Variants in APOBR observed in about 807,000 individuals in gnomAD.
APOBR encodes apoB-48R.
A neutral mutation model predicts 88.5 loss-of-function variants in APOBR; 57 were observed. That is an observed-to-expected ratio of 0.64 (90% CI 0.52 to 0.80). The LOEUF (loss-of-function observed/expected upper bound fraction) is 0.80, where lower values mean the gene tolerates loss of function less well. Among genes scored for constraint, APOBR ranks in the 30% least tolerant of loss-of-function variants. The pLI, the probability that APOBR is intolerant of heterozygous loss-of-function variation, is 0.00. For synonymous variants in APOBR, 588 were observed against 572.7 expected (o/e 1.03, Z -0.38); for missense variants, 1,443 against 1,401.6 (o/e 1.03, Z -0.47).
At position 28,496,745 on chromosome 16, in the gene APOBR, G is replaced by A. The variant is rs1239003761; in HGVS notation, c.1704G>A (p.Gly568=). Residue 568 remains glycine (G), a synonymous_variant, in exon 2 of 4, where the codon GGG becomes GGA. Transcript: ENST00000564831. ...AAGGCCAAGGACCTGAGCTGATGGG[G>A]GGCGCCCAGACCCCAACTAAGCAAC... ...VTKGQGPELM[G]GAQTPTKQPE... is the part of the protein sequence containing the mutation. 1 of 1,590,468 alleles carries A rather than the reference G, an allele frequency of 6.3e-7. No individual in the cohort carries two copies. Among genetic ancestry groups the A allele is most frequent in the Non-Finnish European group, 8.6e-7 (1 of 1,168,928 alleles).
intron 3 of APOBR, 42 bp downstream of exon 3, chr16:28,498,391 G>C (rs541395425): frequency 1.3e-6 from 2 of 1,597,442 alleles, no homozygotes; most frequent in Admixed American, 3.5e-5. Flanking sequence ...AAGAGACCGC[G>C]GGCACCTGGG....
chr16:28,496,085 C>T lies in APOBR; in HGVS notation c.1044C>T (p.Ala348=), dbSNP rs1448535817. ...GIASGGEAGT[A]SGGEEAGTAS... Reference sequence around the variant, plus strand: ...CCTCAGGCGGGGAGGCTGGGACAGCCTCAGGAGGGGAGGAGGCCGGGACAG... The same window carrying T: ...CCTCAGGCGGGGAGGCTGGGACAGCTTCAGGAGGGGAGGAGGCCGGGACAG... Residue 348 remains alanine (A), a synonymous_variant, in exon 2 of 4, where the codon GCC becomes GCT. Transcript: ENST00000564831. The T allele has an allele frequency of 4.0e-6, 3 of 754,268 alleles. No individual in the cohort carries two copies. The highest frequency in any genetic ancestry group is 1.9e-5 in the South Asian group (1 of 53,316). The allele number at this position is 754,268 out of a possible 1,614,324, so 46.7% of individuals were successfully genotyped here. A position where few individuals can be genotyped will look rare whatever the true frequency, so the allele number is the denominator to read the frequency against.
At position 28,495,214 on chromosome 16, in the gene APOBR, T is replaced by C. The variant is rs935999472; in HGVS notation, c.173T>C (p.Ile58Thr). ...GVVAVGKTGK[I>T]VEEEAQEDLE... The stretch of plus-strand genomic sequence containing the variant: ...GTGGCGGTGGGAAAGACAGGGAAGA[T>C]TGTAGAGGAGGAAGCCCAGGAGGAC... Residue 58 changes from isoleucine (I) to threonine (T), a missense_variant, in exon 2 of 4, where the codon ATT becomes ACT. Ile to Thr is a moderately conservative substitution (Grantham distance 89, BLOSUM62 -1). Coordinates refer to ENST00000564831, the MANE Select transcript of APOBR (RefSeq NM_018690.4). 56 of 1,555,984 alleles carry C rather than the reference T, an allele frequency of 3.6e-5. No homozygotes were observed. The highest frequency in any genetic ancestry group is 3.0e-4 in the East Asian group (13 of 43,582).
At position 28,494,650 on chromosome 16, in the gene APOBR, GC is replaced by G. The variant is rs2046375480; in HGVS notation, c.-31del. On this transcript the variant is annotated 5_prime_UTR_variant, in exon 1 of 4. Transcript: ENST00000564831. ...TGGTGGGTGGGGACGGTCATTATCA[GC>G]TTTCTGGACACACAGACAGAGACAG... 1.2e-6 allele frequency: 2 copies of G among 1,601,002 alleles called. No homozygotes were observed. The highest frequency in any genetic ancestry group is 4.5e-5 in the East Asian group (2 of 44,604).
In APOBR at chr16:28,496,075, C is replaced by T; in HGVS notation, c.1034C>T (p.Ala345Val). 6.5e-7 allele frequency: 1 copy of T among 1,528,970 alleles called. No homozygotes were observed. The allele number at this position is 1,528,970 out of a possible 1,614,324, so 94.7% of individuals were successfully genotyped here. ...GCCGGGATAGCCTCAGGCGGGGAGG[C>T]TGGGACAGCCTCAGGAGGGGAGGAG... ...EEAGIASGGE[A>V]GTASGGEEAG... The change falls in exon 2 of 4, where the codon GCT becomes GTT. Residue 345 changes from alanine (A) to valine (V), a missense_variant. Physicochemically the swap from Ala to Val is moderately conservative, Grantham distance 64 (BLOSUM62 0). Coordinates refer to ENST00000564831, the MANE Select transcript of APOBR (RefSeq NM_018690.4).
chr16:28,495,743 G>A lies in APOBR; in HGVS notation c.702G>A (p.Gly234=). Reference sequence around the variant, plus strand: ...AGGGGGTCAGGGAGGCAGATGCAGGGGAAACTGAGGAGCCTGGGGCCGAAG... The same window carrying A: ...AGGGGGTCAGGGAGGCAGATGCAGGAGAAACTGAGGAGCCTGGGGCCGAAG... ...MEQGVREADA[G]ETEEPGAEGA... is the part of the protein sequence containing the mutation. The change falls in exon 2 of 4, where the codon GGG becomes GGA. Residue 234 remains glycine, a synonymous_variant. Coordinates refer to ENST00000564831, the MANE Select transcript of APOBR (RefSeq NM_018690.4). 6.5e-7 allele frequency: 1 copy of A among 1,540,646 alleles called. No individual in the cohort carries two copies. The highest frequency in any genetic ancestry group is 8.8e-7 in the Non-Finnish European group (1 of 1,142,174).
intron 1 of APOBR, 37 bp from the exon 2 acceptor site, chr16:28,495,062 C>G (rs765224967): frequency 1.2e-4 from 171 of 1,463,524 alleles, no homozygotes; most frequent in Non-Finnish European, 1.2e-4. Flanking sequence ...TGGGACTCTC[C>G]TCAATGACTC....
Position 28,497,082 on chromosome 16 carries a change from C to A in APOBR, c.2041C>A (p.Leu681Met). The A allele has an allele frequency of 6.3e-7, 1 of 1,595,810 alleles. No homozygotes were observed. Among genetic ancestry groups the A allele is most frequent in the Non-Finnish European group, 8.5e-7 (1 of 1,171,654 alleles). Residue 681 changes from leucine (L) to methionine (M), a missense_variant, in exon 2 of 4, where the codon CTG becomes ATG. By Grantham distance (15) the Leu-to-Met change is conservative. Coordinates refer to ENST00000564831, the MANE Select transcript of APOBR (RefSeq NM_018690.4). The stretch of plus-strand genomic sequence containing the variant: ...AGTCCCAGAGGCAGGCGGGGAGGGG[C>A]TGACAACCCAGGACGCGGGATGTGG... ...SEVPEAGGEG[L>M]TTQDAGCGTE...
Position 28,497,541 on chromosome 16 carries a change from G to GGA in APOBR, c.2502_2503dup (p.Gly835GlufsTer8). The GGA allele has an allele frequency of 6.2e-7, 1 of 1,609,404 alleles. No homozygotes were observed. Among genetic ancestry groups the GGA allele is most frequent in the Non-Finnish European group, 8.5e-7 (1 of 1,177,716 alleles). Reference sequence around the variant, plus strand: ...AGTAGAGGCTTTTGAGTCCAGGGAGGGAGGACCTTGGGGAGGGCGGGTAGA... The same window carrying GGA: ...AGTAGAGGCTTTTGAGTCCAGGGAGGGAGAGGACCTTGGGGAGGGCGGGTAGA... On this transcript the variant is annotated frameshift_variant, in exon 2 of 4. Transcript: ENST00000564831. LOFTEE classifies it high-confidence loss of function.
At position 28,498,279 on chromosome 16, in the gene APOBR, C is replaced by G; in HGVS notation, c.3154C>G (p.Pro1052Ala). ...PEQRPLQLEE[P>A]LEPSPLRHDG... ...GCAGAGACCCCTCCAGCTGGAGGAA[C>G]CCCTGGAGCCAAGCCCTCTGAGGCA... The change falls in exon 3 of 4, where the codon CCC (proline) becomes GCC (alanine). Residue 1052 changes from proline to alanine, a missense_variant. Pro to Ala is a conservative substitution (Grantham distance 27). Transcript: ENST00000564831. 2 of 1,604,198 alleles carry G rather than the reference C, an allele frequency of 1.2e-6. No individual in the cohort carries two copies. Among genetic ancestry groups the G allele is most frequent in the Non-Finnish European group, 1.7e-6 (2 of 1,175,844 alleles).
In APOBR at chr16:28,498,087, C is replaced by G. The variant is rs2046407906; in HGVS notation, c.2962C>G (p.Leu988Val). 1.3e-6 allele frequency: 2 copies of G among 1,547,886 alleles called. No individual in the cohort carries two copies. The highest frequency in any genetic ancestry group is 1.7e-6 in the Non-Finnish European group (2 of 1,152,970). ...TGTGCCCCCTTTCCTGCAGGCCCCG[C>G]TCCCCGGGTCCCTCCTAGACGTCTC... is the stretch of plus-strand genomic sequence containing the variant. ...GAANSWSEAP[L>V]PGSLLDVSVP... Residue 988 changes from leucine to valine, a missense_variant, in exon 3 of 4, where the codon CTC (leucine) becomes GTC (valine). Coordinates refer to ENST00000564831, the MANE Select transcript of APOBR (RefSeq NM_018690.4).
chr16:28,496,858 C>T lies in APOBR; in HGVS notation c.1817C>T (p.Pro606Leu). 6.4e-7 allele frequency: 1 copy of T among 1,558,970 alleles called. No homozygotes were observed. Among genetic ancestry groups the T allele is most frequent in the Non-Finnish European group, 8.7e-7 (1 of 1,151,404 alleles). ...EEQERSLEAGPRHAGSVKPEA... is the reference protein window; with the variant it reads ...EEQERSLEAGLRHAGSVKPEA... ...CAGGAGAGGAGCCTGGAGGCAGGTC[C>T]CAGGCACGCGGGGTCTGTAAAGCCT... The change falls in exon 2 of 4, where the codon CCC becomes CTC. Residue 606 changes from proline (P) to leucine (L), a missense_variant. Transcript: ENST00000564831.
Position 28,497,301 on chromosome 16 carries a change from G to T in APOBR, c.2260G>T (p.Asp754Tyr). ...GGCTGTGGGCCTCCCGGACCGTGAG[G>T]ATGCACAGACTGGCTCTGTGGCTGC... ...AVAVGLPDRE[D>Y]AQTGSVAAGI... is the part of the protein sequence containing the mutation. Residue 754 changes from aspartate to tyrosine, a missense_variant, in exon 2 of 4, where the codon GAT becomes TAT. Asp to Tyr is a radical substitution (Grantham distance 160, BLOSUM62 -3). Coordinates refer to ENST00000564831, the MANE Select transcript of APOBR (RefSeq NM_018690.4). The T allele has an allele frequency of 1.9e-6, 3 of 1,599,026 alleles. No homozygotes were observed. Among genetic ancestry groups the T allele is most frequent in the Non-Finnish European group, 1.7e-6 (2 of 1,173,170 alleles).
rs1417240423 is a variant in APOBR, at chr16:28,496,935, A to G, written c.1894A>G (p.Met632Val). The G allele has an allele frequency of 1.9e-6, 3 of 1,560,846 alleles. No individual in the cohort carries two copies. Among genetic ancestry groups the G allele is most frequent in the African/African-American group, 1.4e-5 (1 of 73,420 alleles). Residue 632 changes from methionine to valine, a missense_variant, in exon 2 of 4, where the codon ATG (methionine) becomes GTG (valine). Coordinates refer to ENST00000564831, the MANE Select transcript of APOBR (RefSeq NM_018690.4). ...CTGGGAAAACCGCACGAGAAAGGAC[A>G]TGGAGAGAGGAAATACTCAGGAGGA... is the stretch of plus-strand genomic sequence containing the variant. ...GAWENRTRKD[M>V]ERGNTQEDAA...
chr16:28,498,401 G>A, intron 3 of APOBR, 35 bp from the exon 4 acceptor site: 8 of 1,600,166 alleles, frequency 5.0e-6, no homozygotes, highest in Non-Finnish European at 6.8e-6. Context: ...GGGCACCTGG[G>A]AACCTGTTCT....
Position 28,495,170 on chromosome 16 carries a change from G to C in APOBR, c.129G>C (p.Ala43=), listed in dbSNP as rs1456126453. The C allele has an allele frequency of 7.0e-6, 11 of 1,571,162 alleles. No homozygotes were observed. The highest frequency in any genetic ancestry group is 8.6e-6 in the Non-Finnish European group (10 of 1,160,736). ...CCACTGTAGAGCGGGAGGCGCAGGC[G>C]GCTGAGGAACTGGGGGTGGTGGCGG... ...AVPTVEREAQ[A]AEELGVVAVG... Residue 43 remains alanine (A), a synonymous_variant, in exon 2 of 4, where the codon GCG becomes GCC. Transcript: ENST00000564831.
chr16:28,498,166 G>T lies in APOBR; in HGVS notation c.3041G>T (p.Arg1014Leu). Residue 1014 changes from arginine (R) to leucine (L), a missense_variant, in exon 3 of 4, where the codon CGG becomes CTG. Coordinates refer to ENST00000564831, the MANE Select transcript of APOBR (RefSeq NM_018690.4). ...LSRSSSQRRS[R>L]PSFRRTPAWE... ...AGAAGCTCCTCACAGCGTCGCTCCC[G>T]GCCCTCTTTTCGTCGGACTCCGGCC... 1.2e-6 allele frequency: 2 copies of T among 1,601,592 alleles called. No homozygotes were observed. The highest frequency in any genetic ancestry group is 1.3e-5 in the African/African-American group (1 of 74,978).
In APOBR at chr16:28,498,588, C is replaced by G; in HGVS notation, c.*83C>G. 7.0e-7 allele frequency: 1 copy of G among 1,437,796 alleles called. No homozygotes were observed. The highest frequency in any genetic ancestry group is 9.4e-7 in the Non-Finnish European group (1 of 1,063,648). 89.1% of individuals were successfully genotyped at this position (1,437,796 alleles called of 1,614,324 possible). On this transcript the variant is annotated 3_prime_UTR_variant, in exon 4 of 4. Coordinates refer to ENST00000564831, the MANE Select transcript of APOBR (RefSeq NM_018690.4). The stretch of plus-strand genomic sequence containing the variant: ...ATGCCACTGAGCCCTGCTCCCTCTG[C>G]CACTGTGGACACATCCTCTCCACCC...
chr16:28,497,884 A>G lies in APOBR; in HGVS notation c.2843A>G (p.Glu948Gly). 1.2e-6 allele frequency: 2 copies of G among 1,613,244 alleles called. No homozygotes were observed. The highest frequency in any genetic ancestry group is 2.2e-5 in the East Asian group (1 of 44,852). ...ESLEHVRGQEEQPTHQAPAEA... is the reference protein window; with the variant it reads ...ESLEHVRGQEGQPTHQAPAEA... ...CTGGAACATGTCAGGGGCCAGGAGGAGCAGCCAACACACCAGGCCCCTGCA... is the reference window on the plus strand; with the variant it reads ...CTGGAACATGTCAGGGGCCAGGAGGGGCAGCCAACACACCAGGCCCCTGCA... The change falls in exon 2 of 4, where the codon GAG (glutamate) becomes GGG (glycine). Residue 948 changes from glutamate to glycine, a missense_variant. Transcript: ENST00000564831.
Sources: allele counts gnomAD v4.1 joint callset, GRCh38; gene constraint gnomAD v4.1.1; transcripts MANE v1.5; gene names NCBI Gene and HGNC (gene_info 2026-07-23, HGNC 2026-07-21).